Variants in PLCB1 observed in about 807,000 individuals in gnomAD.
PLCB1 encodes phospholipase C beta 1.
Under a neutral mutation model 161.8 loss-of-function variants are expected in PLCB1, and 46 were observed. The observed-to-expected ratio is 0.28, with a 90% CI of 0.22 to 0.36. PLCB1 has a LOEUF of 0.36. PLCB1 is among the 10% of genes least tolerant of loss of function. The probability of loss-of-function intolerance (pLI) is 1.00; values close to 1 mark genes in which losing one functional copy is unlikely to be tolerated. For synonymous variants in PLCB1, 517 were observed against 503.7 expected (o/e 1.03, Z -0.35); for missense variants, 1,016 against 1,472.5 (o/e 0.69, Z 5.07).
chr20:8,200,067 TCCGGA>T (rs1289428946), intron 2 of PLCB1, among the ~76,000 whole-genome samples: 2 of 152,106 alleles, frequency 1.3e-5, no homozygotes, highest in African/African-American at 4.8e-5. Context: ...ATTTATTTAT[TCCGGA>T]TATTAATTCA....
chr20:8,223,359 T>A (rs1268356449), intron 2 of PLCB1, among the ~76,000 whole-genome samples: 1 of 152,160 alleles, frequency 6.6e-6, no homozygotes, highest in Non-Finnish European at 1.5e-5. Flanking sequence ...CATTGGATAA[T>A]ACCCTGCAAG....
At chr20:8,588,151 G>T (rs113426841) in intron 3 of PLCB1, among the ~76,000 whole-genome samples, 1 of 152,130 alleles carries the variant, frequency 6.6e-6, no homozygotes, top group Non-Finnish European at 1.5e-5. Flanking sequence ...CTCTGCACTG[G>T]GAATTATAGA....
At chr20:8,435,998 A>G (rs1980283678) in intron 3 of PLCB1, among the ~76,000 whole-genome samples, 1 of 152,214 alleles carries the variant, frequency 6.6e-6, no homozygotes. Context: ...CCACACAAGG[A>G]AAATAACAGT....
intron 3 of PLCB1, among the ~76,000 whole-genome samples, chr20:8,450,531 A>C (rs539062708): frequency 1.3e-5 from 2 of 152,236 alleles, no homozygotes; most frequent in South Asian, 4.1e-4. Flanking sequence ...CTACCATTGT[A>C]CTGCTGTTTT....
intron 4 of PLCB1, among the ~76,000 whole-genome samples, chr20:8,634,968 C>A (rs1248168674): frequency 6.6e-6 from 1 of 152,050 alleles, no homozygotes; most frequent in East Asian, 1.9e-4. Flanking sequence ...TTTTGTCCAC[C>A]AAGAAAAGTC....
intron 3 of PLCB1, among the ~76,000 whole-genome samples, chr20:8,610,392 A>T (rs1400842106): frequency 6.6e-6 from 1 of 152,180 alleles, no homozygotes; most frequent in Non-Finnish European, 1.5e-5. Flanking sequence ...CAGTTGATAG[A>T]CATTTGGATT....
intron 3 of PLCB1, among the ~76,000 whole-genome samples, chr20:8,550,465 C>A (rs1029042465): frequency 3.9e-5 from 6 of 152,202 alleles, no homozygotes; most frequent in South Asian, 2.1e-4. Flanking sequence ...TTCCCCCTTC[C>A]CTCGGCTCTC....
chr20:8,455,427 T>G (rs1318516729), intron 3 of PLCB1, among the ~76,000 whole-genome samples: 2 of 145,950 alleles, frequency 1.4e-5, no homozygotes, highest in East Asian at 2.0e-4. Flanking sequence ...ACAAGTATTC[T>G]TCCTCTTTTT....
chr20:8,518,539 C>T (rs1429999573), intron 3 of PLCB1, among the ~76,000 whole-genome samples: 1 of 99,210 alleles, frequency 1.0e-5, no homozygotes, highest in Non-Finnish European at 2.2e-5. Context: ...TTGTCAGTTT[C>T]AGAGAAAGAT....
chr20:8,364,721 G>T (rs1044644678), intron 2 of PLCB1, among the ~76,000 whole-genome samples: 2 of 152,144 alleles, frequency 1.3e-5, no homozygotes, highest in African/African-American at 2.4e-5. Context: ...TTTGTCGAGG[G>T]ATTCACACCA....
At chr20:8,825,947 T>C (rs1396031049) in intron 31 of PLCB1, among the ~76,000 whole-genome samples, 1 of 152,140 alleles carries the variant, frequency 6.6e-6, no homozygotes, top group Non-Finnish European at 1.5e-5. Context: ...GACATGTGGT[T>C]TGTGCAACTG....
intron 2 of PLCB1, among the ~76,000 whole-genome samples, chr20:8,213,877 G>A (rs1302024082): frequency 1.3e-5 from 2 of 152,030 alleles, no homozygotes; most frequent in Non-Finnish European, 2.9e-5. Context: ...GTTCTCCCCA[G>A]TAATGCGGTT....
At chr20:8,696,135 G>T (rs552882252) in intron 10 of PLCB1, among the ~76,000 whole-genome samples, 1 of 152,250 alleles carries the variant, frequency 6.6e-6, no homozygotes, top group South Asian at 2.1e-4. Flanking sequence ...TGTAGTTTTA[G>T]CTCTTATATT....
intron 31 of PLCB1, among the ~76,000 whole-genome samples, chr20:8,851,836 C>T (rs554104013): frequency 6.6e-6 from 1 of 151,376 alleles, no homozygotes; most frequent in Non-Finnish European, 1.5e-5. Flanking sequence ...ACTGAAGTTG[C>T]AATTTAGAGG....
chr20:8,269,019 A>G (rs1465348373), intron 2 of PLCB1, among the ~76,000 whole-genome samples: 6 of 142,832 alleles, frequency 4.2e-5, no homozygotes, highest in African/African-American at 1.6e-4. Context: ...GAGAAAATGA[A>G]TTTATCTCCT....
intron 31 of PLCB1, among the ~76,000 whole-genome samples, chr20:8,857,824 C>A (rs1485561936): frequency 6.6e-6 from 1 of 151,994 alleles, no homozygotes; most frequent in Non-Finnish European, 1.5e-5. Context: ...AGAAACTGAC[C>A]ATCCCTTCTA....
chr20:8,881,676 G>A lies in PLCB1; in HGVS notation c.3478G>A (p.Glu1160Lys). ...YQDKFKRLPL[E>K]ILEFVQEAMK... ...AGACAAATTCAAAAGACTGCCCCTC[G>A]AGATTTTGGAATTCGTGCAGGAAGC... The change falls in exon 32 of 32, where the codon GAG (glutamate) becomes AAG (lysine). Residue 1160 changes from glutamate (E) to lysine (K), a missense_variant. Around this residue, in one of 10 missense-constraint regions of PLCB1, gnomAD observed 398 missense variants for 445.4 expected, o/e 0.89. Transcript: ENST00000338037. The A allele has an allele frequency of 6.2e-7, 1 of 1,613,936 alleles. No homozygotes were observed. Among genetic ancestry groups the A allele is most frequent in the South Asian group, 1.1e-5 (1 of 91,070 alleles).
intron 2 of PLCB1, among the ~76,000 whole-genome samples, chr20:8,349,250 C>G (rs1244518393): frequency 6.6e-6 from 1 of 152,128 alleles, no homozygotes; most frequent in African/African-American, 2.4e-5. Context: ...AAAGATTAGA[C>G]AGGTGACAAG....
intron 17 of PLCB1, among the ~76,000 whole-genome samples, chr20:8,728,768 A>G (rs566338866): frequency 3.3e-5 from 5 of 152,186 alleles, no homozygotes; most frequent in African/African-American, 7.2e-5. Flanking sequence ...TGCTATGCCT[A>G]TGTGATAAGA....
Sources: allele counts gnomAD v4.1 joint callset (sites outside exome capture counted in the v4.1 genomes callset), GRCh38; gene constraint gnomAD v4.1.1; regional missense constraint gnomAD v4.1.1; transcripts MANE v1.5; gene names NCBI Gene and HGNC (gene_info 2026-07-23, HGNC 2026-07-21).